GRIK5: variants seen among roughly 807,000 people sequenced by gnomAD.
The protein encoded by GRIK5 is glutamate ionotropic receptor kainate type subunit 5, also known as glutamate receptor ionotropic, kainate 5.
In GRIK5, 43 loss-of-function variants were observed where a neutral mutation model predicts 97.4. The ratio of observed to expected loss-of-function variants is 0.44; its 90% CI spans 0.35 to 0.57. The LOEUF (loss-of-function observed/expected upper bound fraction) is 0.57. Ranked by LOEUF, GRIK5 falls within the 20% of genes least tolerant of loss-of-function variation. GRIK5 has a pLI of 0.01. For synonymous variants in GRIK5, 580 were observed against 583.5 expected (o/e 0.99, Z 0.09); for missense variants, 1,015 against 1,382.0 (o/e 0.73, Z 4.21).
In GRIK5 at chr19:42,021,629, G is replaced by A. The variant is rs2075698265; in HGVS notation, c.1698-155C>T. 6.6e-6 allele frequency among the ~76,000 whole-genome samples: 1 copy of A among 152,162 alleles called. No individual in the cohort carries two copies. The highest frequency in any genetic ancestry group is 1.5e-5 in the Non-Finnish European group (1 of 68,022). On this transcript the variant is annotated intron_variant, in intron 14 of 19. Transcript: ENST00000593562. The surrounding 1 kb of genome is among the most constrained non-coding windows in gnomAD (Gnocchi z 4.2). ...AGCACACAGAGAAAAGGCAGAGAGA[G>A]ATGCACAGAGATGGAGACAGAAGAG... is the stretch of plus-strand genomic sequence containing the variant.
chr19:41,998,917 G>T lies in GRIK5; in HGVS notation c.2897C>A (p.Pro966Gln). 8.9e-7 allele frequency: 1 copy of T among 1,123,752 alleles called. No homozygotes were observed. Among genetic ancestry groups the T allele is most frequent in the Non-Finnish European group, 1.1e-6 (1 of 919,224 alleles). 69.6% of individuals were successfully genotyped at this position (1,123,752 alleles called of 1,614,324 possible). A position where few individuals can be genotyped will look rare whatever the true frequency, so the allele number is the denominator to read the frequency against. The part of the protein sequence containing the change: ...VPAEATSPPR[P>Q]RPGPAGPREL... ...CCGGGGGCCGGCGGGGCCAGGCCGCGGCCGGGGCGGGCTGGTGGCTTCGGC... is the reference window on the plus strand; with the variant it reads ...CCGGGGGCCGGCGGGGCCAGGCCGCTGCCGGGGCGGGCTGGTGGCTTCGGC... Residue 966 changes from proline to glutamine, a missense_variant, in exon 20 of 20, where the codon CCG (proline) becomes CAG (glutamine). Physicochemically the swap from Pro to Gln is moderately conservative, Grantham distance 76 (BLOSUM62 -1). Coordinates refer to ENST00000593562, the MANE Select transcript of GRIK5 (RefSeq NM_002088.5).
At chr19:42,030,069 T>C (rs1358460842) in intron 12 of GRIK5, among the ~76,000 whole-genome samples, 1 of 152,256 alleles carries the variant, frequency 6.6e-6, no homozygotes, top group Non-Finnish European at 1.5e-5. Flanking sequence ...ACCCCTTAAG[T>C]TAGCTGGTTA....
rs1393906718 is a variant in GRIK5, at chr19:42,042,793, T to G, written c.1270-38A>C. 3 of 1,550,058 alleles carry G rather than the reference T, an allele frequency of 1.9e-6. No homozygotes were observed. In the Admixed American group the frequency reaches 5.3e-5, roughly 27 times the overall value. ...AAGAAAGCAGGGGTCAGAGGCTGGG[T>G]GTCTAGTGGCTGGGTTGCGGATCCT... On this transcript the variant is annotated intron_variant, in intron 11 of 19. Transcript: ENST00000593562. The surrounding 1 kb of genome is among the most constrained non-coding windows in gnomAD (Gnocchi z 6.9).
intron 12 of GRIK5, among the ~76,000 whole-genome samples, chr19:42,024,043 C>T (rs997065314): frequency 1.3e-5 from 2 of 152,168 alleles, no homozygotes; most frequent in African/African-American, 4.8e-5. Flanking sequence ...CCGTTCTTTC[C>T]TCAATGCAGC....
In GRIK5 at chr19:42,021,281, G is replaced by A. The variant is rs759902931; in HGVS notation, c.1871+20C>T. On this transcript the variant is annotated intron_variant, in intron 15 of 19. Transcript: ENST00000593562. This position sits in a 1 kb window ranked among gnomAD's most constrained non-coding sequence, Gnocchi z 4.2. ...GGTCCCTCCCTCGCCCCGGGCAGAGGCAGATAGAAAGCTTCTCACCAGACT... is the reference window on the plus strand; with the variant it reads ...GGTCCCTCCCTCGCCCCGGGCAGAGACAGATAGAAAGCTTCTCACCAGACT... 6.2e-7 allele frequency: 1 copy of A among 1,605,264 alleles called. No homozygotes were observed. Among genetic ancestry groups the A allele is most frequent in the Non-Finnish European group, 8.5e-7 (1 of 1,176,046 alleles).
chr19:42,048,550 G>A (rs2076072483), intron 11 of GRIK5, among the ~76,000 whole-genome samples: 2 of 152,160 alleles, frequency 1.3e-5, no homozygotes, highest in South Asian at 4.1e-4. Flanking sequence ...AACCGAGGAG[G>A]CAGAGCTTGC....
chr19:42,058,398 G>C (rs1599843094), intron 6 of GRIK5, among the ~76,000 whole-genome samples: 1 of 149,940 alleles, frequency 6.7e-6, no homozygotes, highest in South Asian at 2.1e-4. Flanking sequence ...ACCCAGGATG[G>C]TCTCAATCTC....
chr19:42,023,086 AAAC>A (rs2075722630), intron 12 of GRIK5, among the ~76,000 whole-genome samples: 1 of 152,056 alleles, frequency 6.6e-6, no homozygotes. Context: ...CACAGGCTGA[AAAC>A]AAAATCCACG....
At chr19:42,057,840 T>C (rs151250038) in intron 6 of GRIK5, among the ~76,000 whole-genome samples, 10 of 152,292 alleles carry the variant, frequency 6.6e-5, no homozygotes, top group African/African-American at 2.4e-4. Context: ...GAGACCCTTT[T>C]CTCATAATCC....
At chr19:42,063,938 T>C (rs190214557) in intron 3 of GRIK5, among the ~76,000 whole-genome samples, 1 of 152,268 alleles carries the variant, frequency 6.6e-6, no homozygotes, top group Non-Finnish European at 1.5e-5. Context: ...CCTCATTTCC[T>C]CCAAACTGGC....
At chr19:42,036,680 A>T (rs1050267094) in intron 12 of GRIK5, among the ~76,000 whole-genome samples, 3 of 152,200 alleles carry the variant, frequency 2.0e-5, no homozygotes, top group Non-Finnish European at 4.4e-5. Context: ...CTATCAGATG[A>T]AGAGAACTGG....
chr19:42,056,684 G>C lies in GRIK5; in HGVS notation c.881C>G (p.Ala294Gly), dbSNP rs560096336. Reference protein sequence around the residue: ...LNMSWRENCEASTYLGPALSA... With the variant: ...LNMSWRENCEGSTYLGPALSA... ...CACCGCAGGGCCCAGGTAGGTGCTG[G>C]CTTCACAGTTCTCCCTCCAGGACAT... The change falls in exon 8 of 20, where the codon GCC becomes GGC. Residue 294 changes from alanine (A) to glycine (G), a missense_variant. Physicochemically the swap from Ala to Gly is moderately conservative, Grantham distance 60. Transcript: ENST00000593562. The C allele has an allele frequency of 3.6e-5, 58 of 1,613,894 alleles. No homozygotes were observed. Among genetic ancestry groups the C allele is most frequent in the South Asian group, 5.5e-5 (5 of 91,074 alleles).
chr19:42,044,487 A>G (rs2076018820), intron 11 of GRIK5, among the ~76,000 whole-genome samples: 1 of 152,212 alleles, frequency 6.6e-6, no homozygotes, highest in Non-Finnish European at 1.5e-5. Context: ...ACAAAAGCAG[A>G]AAGAATGGTC....
At chr19:42,063,183 CA>C (rs917251545) in intron 3 of GRIK5, 1 of 482,844 alleles carries the variant, frequency 2.1e-6, no homozygotes, top group African/African-American at 1.9e-5. Flanking sequence ...CTGTTGTTCT[CA>C]ACCTTTTCAG....
At position 42,062,311 on chromosome 19, in the gene GRIK5, G is replaced by A. The variant is rs1383325124; in HGVS notation, c.508+177C>T. Among the ~76,000 whole-genome samples, 1 of 152,124 alleles carries A rather than the reference G, an allele frequency of 6.6e-6. No homozygotes were observed. The highest frequency in any genetic ancestry group is 1.9e-4 in the East Asian group (1 of 5,174). ...TCTGGGGACTAAATGGATCTCTTTG[G>A]GGAGAGAAGGGGTCTGTAGAACCAG... On this transcript the variant is annotated intron_variant, in intron 5 of 19. Transcript: ENST00000593562. This position sits in a 1 kb window ranked among gnomAD's most constrained non-coding sequence, Gnocchi z 5.3.
At chr19:42,029,203 A>G (rs900183521) in intron 12 of GRIK5, among the ~76,000 whole-genome samples, 23 of 152,034 alleles carry the variant, frequency 1.5e-4, no homozygotes, top group African/African-American at 5.1e-4. Flanking sequence ...AAGTAGCTGG[A>G]ACTACAGGCG....
chr19:42,052,057 A>G (rs891996147), intron 11 of GRIK5, among the ~76,000 whole-genome samples: 1 of 152,226 alleles, frequency 6.6e-6, no homozygotes, highest in Non-Finnish European at 1.5e-5. Context: ...CACCTGACTC[A>G]TATCTGTGCT....
chr19:42,062,339 G>A lies in GRIK5; in HGVS notation c.508+149C>T. 1.4e-6 allele frequency: 1 copy of A among 699,902 alleles called. No homozygotes were observed. Among genetic ancestry groups the A allele is most frequent in the Non-Finnish European group, 2.4e-6 (1 of 423,180 alleles). 43.4% of individuals were successfully genotyped at this position (699,902 alleles called of 1,614,324 possible). ...AGAGAAGGGGTCTGTAGAACCAGAG[G>A]CCTCGGTTTCTGAAGATGGGAGAAG... On this transcript the variant is annotated intron_variant, in intron 5 of 19. Coordinates refer to ENST00000593562, the MANE Select transcript of GRIK5 (RefSeq NM_002088.5). The surrounding 1 kb of genome is among the most constrained non-coding windows in gnomAD (Gnocchi z 5.3).
chr19:42,062,514 G>A lies in GRIK5; in HGVS notation c.482C>T (p.Ala161Val), dbSNP rs1162216336. The A allele has an allele frequency of 3.1e-6, 5 of 1,614,160 alleles. No homozygotes were observed. Among genetic ancestry groups the A allele is most frequent in the Non-Finnish European group, 4.2e-6 (5 of 1,180,024 alleles). The change falls in exon 5 of 20, where the codon GCC (alanine) becomes GTC (valine). Residue 161 changes from alanine (A) to valine (V), a missense_variant. Ala to Val is a moderately conservative substitution (Grantham distance 64). Transcript: ENST00000593562. This position sits in a 1 kb window ranked among gnomAD's most constrained non-coding sequence, Gnocchi z 5.3. ...CTCAGCCTTGGCGCAGATGAGGCTG[G>A]CCGAGGGGTAGTTGAAGGACTTGAG... is the stretch of plus-strand genomic sequence containing the variant. Reference protein sequence around the residue: ...RILKSFNYPSASLICAKAECL... With the variant: ...RILKSFNYPSVSLICAKAECL...
Sources: allele counts gnomAD v4.1 joint callset (sites outside exome capture counted in the v4.1 genomes callset), GRCh38; gene constraint gnomAD v4.1.1; non-coding constraint Gnocchi (gnomAD v3.1); transcripts MANE v1.5; gene names NCBI Gene and HGNC (gene_info 2026-07-23, HGNC 2026-07-21).